Variants in MYO1B observed in about 807,000 individuals in gnomAD.
MYO1B encodes myosin IB.
MYO1B carries 72 observed loss-of-function variants against 159.7 expected under a neutral mutation model. The observed-to-expected ratio is 0.45, with a 90% CI of 0.37 to 0.55. The LOEUF is 0.55. Among genes scored for constraint, MYO1B ranks in the 20% least tolerant of loss-of-function variants. The pLI is 0.00. For missense variants in MYO1B, 1,062 were observed against 1,364.8 expected, an observed-to-expected ratio of 0.78 and a Z score of 3.50; for synonymous variants, 468 against 473.8, an observed-to-expected ratio of 0.99 and a Z score of 0.16.
chr2:191,328,089 G>C lies in MYO1B; in HGVS notation c.252-1846G>C, dbSNP rs570031844. Reference sequence around the variant, plus strand: ...CAAGTTATGACTCTTCTGAGAATGGGATCATGGGCTTCTCATGTCATCTCT... The same window carrying C: ...CAAGTTATGACTCTTCTGAGAATGGCATCATGGGCTTCTCATGTCATCTCT... On this transcript the variant is annotated intron_variant, in intron 3 of 30. Transcript: ENST00000392318. Among the ~76,000 whole-genome samples the C allele has an allele frequency of 8.5e-5, 13 of 152,276 alleles. 1 individual carries two copies. Among genetic ancestry groups the C allele is most frequent in the Non-Finnish European group, 1.9e-4 (13 of 68,020 alleles).
Position 191,370,159 on chromosome 2 carries a change from G to A in MYO1B, c.1120-68G>A, listed in dbSNP as rs901183442. 8.2e-6 allele frequency: 8 copies of A among 972,588 alleles called. No homozygotes were observed. In the African/African-American group the frequency reaches 1.3e-4, roughly 16 times the overall value. 60.2% of individuals were successfully genotyped at this position (972,588 alleles called of 1,614,324 possible). A position where few individuals can be genotyped will look rare whatever the true frequency, so the allele number is the denominator to read the frequency against. ...TAATTAATTTGTAATATATATCTAT[G>A]TTCCTTGGATGCTTGTAGTGTTATA... On this transcript the variant is annotated intron_variant, in intron 12 of 30. Transcript: ENST00000392318.
intron 13 of MYO1B, among the ~76,000 whole-genome samples, chr2:191,374,566 C>G (rs1459990887): frequency 6.6e-6 from 1 of 152,174 alleles, no homozygotes; most frequent in Non-Finnish European, 1.5e-5. Flanking sequence ...GAAACTGATG[C>G]ATTAAACCAT....
Position 191,334,946 on chromosome 2 carries a change from A to G in MYO1B, c.346+4917A>G, listed in dbSNP as rs1238496167. ...CAGAAGCTTTTAAAAGCCTACTTGC[A>G]TGTGTAGATCACTTAATAGTCTGTG... On this transcript the variant is annotated intron_variant, in intron 4 of 30. Transcript: ENST00000392318. Among the ~76,000 whole-genome samples the G allele has an allele frequency of 3.3e-5, 5 of 152,334 alleles. No individual in the cohort carries two copies. In the East Asian group the frequency reaches 9.6e-4, roughly 29 times the overall value.
At chr2:191,365,088 T>C (rs1693921779) in intron 11 of MYO1B, among the ~76,000 whole-genome samples, 1 of 152,184 alleles carries the variant, frequency 6.6e-6, no homozygotes, top group Non-Finnish European at 1.5e-5. Context: ...TCAAGTTAAG[T>C]GGGTGGGTGT....
At chr2:191,377,300 C>G (rs758791700) in intron 13 of MYO1B, among the ~76,000 whole-genome samples, 1 of 152,120 alleles carries the variant, frequency 6.6e-6, no homozygotes, top group Non-Finnish European at 1.5e-5. Context: ...GAAGATGTTT[C>G]TAAGTTTTAG....
At chr2:191,393,771 A>C (rs1695906770) in intron 20 of MYO1B, among the ~76,000 whole-genome samples, 1 of 152,200 alleles carries the variant, frequency 6.6e-6, no homozygotes, top group Admixed American at 6.5e-5. Flanking sequence ...AGATTCAATA[A>C]TAAATAATGT....
intron 3 of MYO1B, among the ~76,000 whole-genome samples, chr2:191,308,016 C>T (rs1370784672): frequency 6.6e-6 from 1 of 152,108 alleles, no homozygotes; most frequent in Admixed American, 6.5e-5. Flanking sequence ...AACCCAATCT[C>T]CAGCTCCCCT....
intron 27 of MYO1B, among the ~76,000 whole-genome samples, chr2:191,411,707 G>A (rs1282809600): frequency 1.3e-5 from 2 of 152,152 alleles, no homozygotes; most frequent in African/African-American, 4.8e-5. Context: ...GGCCTGTACA[G>A]CACGTTCAGT....
At chr2:191,328,924 A>G (rs991120479) in intron 3 of MYO1B, among the ~76,000 whole-genome samples, 6 of 151,924 alleles carry the variant, frequency 3.9e-5, no homozygotes, top group Admixed American at 2.0e-4. Context: ...ACATACCTTT[A>G]TCATTGGGCT....
At chr2:191,406,446 T>C (rs1696919537) in intron 24 of MYO1B, among the ~76,000 whole-genome samples, 1 of 152,252 alleles carries the variant, frequency 6.6e-6, no homozygotes, top group Non-Finnish European at 1.5e-5. Context: ...CTAAGCTTAA[T>C]CATTTCTAGC....
intron 28 of MYO1B, 73 bp from the exon 29 acceptor site, chr2:191,414,444 A>G (rs1697438525): frequency 7.2e-7 from 1 of 1,387,946 alleles, no homozygotes; most frequent in Non-Finnish European, 9.6e-7. Flanking sequence ...TTTGCAAATA[A>G]TGCCTTAAAC....
intron 2 of MYO1B, among the ~76,000 whole-genome samples, chr2:191,284,029 T>G (rs1226200727): frequency 2.0e-5 from 3 of 152,214 alleles, no homozygotes; most frequent in Non-Finnish European, 4.4e-5. Context: ...GGAAAAGTGA[T>G]AGCAGCCATG....
In MYO1B at chr2:191,393,090, C is replaced by A. The variant is rs1199220685; in HGVS notation, c.2094C>A (p.Asp698Glu). 1.2e-6 allele frequency: 2 copies of A among 1,613,360 alleles called. No homozygotes were observed. The highest frequency in any genetic ancestry group is 1.7e-5 in the Admixed American group (1 of 59,952). The change falls in exon 20 of 31, where the codon GAC (aspartate) becomes GAA (glutamate). Residue 698 changes from aspartate to glutamate, a missense_variant. Asp to Glu is a conservative substitution (Grantham distance 45). Coordinates refer to ENST00000392318, the MANE Select transcript of MYO1B (RefSeq NM_001130158.3). Reference protein sequence around the residue: ...RNPRTLFKLEDLRKQRLEDLA... With the variant: ...RNPRTLFKLEELRKQRLEDLA... Reference sequence around the variant, plus strand: ...CTTATTAGTTATTCAAATTAGAAGACCTGAGGAAGCAACGCCTGGAGGACT... The same window carrying A: ...CTTATTAGTTATTCAAATTAGAAGAACTGAGGAAGCAACGCCTGGAGGACT...
intron 3 of MYO1B, among the ~76,000 whole-genome samples, chr2:191,303,293 G>C (rs1689447868): frequency 6.6e-6 from 1 of 152,104 alleles, no homozygotes; most frequent in Non-Finnish European, 1.5e-5. Flanking sequence ...TTGTGCAACT[G>C]GATGTGAAAG....
chr2:191,322,244 A>G (rs1407279159), intron 3 of MYO1B, among the ~76,000 whole-genome samples: 1 of 152,148 alleles, frequency 6.6e-6, no homozygotes, highest in Non-Finnish European at 1.5e-5. Flanking sequence ...CAGCAGCACA[A>G]GGGATTGCTA....
intron 1 of MYO1B, among the ~76,000 whole-genome samples, chr2:191,253,657 C>T (rs1243326814): frequency 6.6e-6 from 1 of 152,128 alleles, no homozygotes; most frequent in Non-Finnish European, 1.5e-5. Flanking sequence ...ATTGGAATTC[C>T]CACAAAATTC....
intron 3 of MYO1B, among the ~76,000 whole-genome samples, chr2:191,316,031 A>G (rs940523300): frequency 3.3e-5 from 5 of 152,232 alleles, no homozygotes; most frequent in Non-Finnish European, 5.9e-5. Flanking sequence ...ATTAAAGAGT[A>G]CAAGGAACAG....
intron 15 of MYO1B, among the ~76,000 whole-genome samples, chr2:191,385,453 A>C (rs891210766): frequency 6.6e-6 from 1 of 152,248 alleles, no homozygotes; most frequent in Non-Finnish European, 1.5e-5. Flanking sequence ...GAGTGAATCA[A>C]ATAATGGCCT....
At chr2:191,375,327 A>G (rs1267508477) in intron 13 of MYO1B, among the ~76,000 whole-genome samples, 1 of 152,228 alleles carries the variant, frequency 6.6e-6, no homozygotes, top group Non-Finnish European at 1.5e-5. Flanking sequence ...TTTAAAAGAA[A>G]TTCTGGCTAT....
Sources: allele counts gnomAD v4.1 joint callset (sites outside exome capture counted in the v4.1 genomes callset), GRCh38; gene constraint gnomAD v4.1.1; transcripts MANE v1.5; gene names NCBI Gene and HGNC (gene_info 2026-07-23, HGNC 2026-07-21).